The following ZNF664 variants were observed in gnomAD, a reference collection of about 807,000 sequenced individuals.
ZNF664 encodes zinc finger Organ of Corti 1.
ZNF664 carries 10 observed loss-of-function variants against 18.2 expected under a neutral mutation model. The ratio of observed to expected loss-of-function variants is 0.55; its 90% CI spans 0.34 to 0.93. The LOEUF (loss-of-function observed/expected upper bound fraction) is 0.93, where lower values mean the gene tolerates loss of function less well. Ranked by LOEUF, ZNF664 falls within the 40% of genes least tolerant of loss-of-function variation. The pLI, the probability that ZNF664 is intolerant of heterozygous loss-of-function variation, is 0.02. For synonymous variants in ZNF664, 119 were observed against 104.2 expected (o/e 1.14, Z -0.86); for missense variants, 193 against 319.0 (o/e 0.61, Z 3.01).
At chr12:123,999,893 C>T (rs891664556) in intron 3 of ZNF664, among the ~76,000 whole-genome samples, 1 of 152,154 alleles carries the variant, frequency 6.6e-6, no homozygotes, top group African/African-American at 2.4e-5. Flanking sequence ...AGCCACATAG[C>T]AAGTTGGGGT....
chr12:123,978,779 C>T (rs1956725703), intron 2 of ZNF664, among the ~76,000 whole-genome samples: 1 of 152,150 alleles, frequency 6.6e-6, no homozygotes, highest in Non-Finnish European at 1.5e-5. Context: ...TGAAATGCTG[C>T]AGTAATATAA....
chr12:124,007,444 G>T (rs1032621801), intron 3 of ZNF664, among the ~76,000 whole-genome samples: 1 of 152,214 alleles, frequency 6.6e-6, no homozygotes, highest in Non-Finnish European at 1.5e-5. Context: ...AGAGCAGAGC[G>T]CAGTGCTGCT....
At chr12:123,999,261 C>T (rs1956984836) in intron 3 of ZNF664, among the ~76,000 whole-genome samples, 1 of 152,160 alleles carries the variant, frequency 6.6e-6, no homozygotes, top group Non-Finnish European at 1.5e-5. Flanking sequence ...AGTTCTTTTT[C>T]ACTTTTATCT....
intron 3 of ZNF664, among the ~76,000 whole-genome samples, chr12:123,988,690 A>T (rs1424337232): frequency 1.3e-5 from 2 of 151,890 alleles, no homozygotes; most frequent in Non-Finnish European, 2.9e-5. Context: ...TGCAGACTTG[A>T]TTCTGAGTGT....
intron 2 of ZNF664, among the ~76,000 whole-genome samples, chr12:123,983,291 G>A (rs578162380): frequency 6.6e-6 from 1 of 152,352 alleles, no homozygotes; most frequent in African/African-American, 2.4e-5. Context: ...TTTTGAAGAT[G>A]TAGCAGAAGC....
chr12:123,986,534 C>T (rs1478386955), intron 2 of ZNF664, among the ~76,000 whole-genome samples: 2 of 152,154 alleles, frequency 1.3e-5, no homozygotes, highest in Non-Finnish European at 1.5e-5. Flanking sequence ...AGTCATTTTG[C>T]GGATCATAAC....
Position 124,012,706 on chromosome 12 carries a change from A to G in ZNF664, c.562A>G (p.Ile188Val). 1 of 1,614,096 alleles carries G rather than the reference A, an allele frequency of 6.2e-7. No homozygotes were observed. The highest frequency in any genetic ancestry group is 8.5e-7 in the Non-Finnish European group (1 of 1,179,978). Residue 188 changes from isoleucine to valine, a missense_variant, in exon 5 of 5, where the codon ATC becomes GTC. Ile to Val is a conservative substitution (Grantham distance 29). Transcript: ENST00000337815. ...KAFSQSSSLCIHQRVHTGEKP... is the reference protein window; with the variant it reads ...KAFSQSSSLCVHQRVHTGEKP... ...GTTCAGTCAGAGTTCGAGCCTCTGC[A>G]TCCACCAGAGAGTCCACACTGGAGA...
rs1594533346 is a variant in ZNF664 at position 123,973,926 on chromosome 12, G to A, written c.-851G>A. The A allele has an allele frequency of 8.1e-7, 1 of 1,231,950 alleles. No individual in the cohort carries two copies. The highest frequency in any genetic ancestry group is 1.0e-6 in the Non-Finnish European group (1 of 988,114). The allele number at this position is 1,231,950 out of a possible 1,614,324, so 76.3% of individuals were successfully genotyped here. The stretch of plus-strand genomic sequence containing the variant: ...GCAGAGGAGGCGAGCATCCCGCTCA[G>A]GTGATGAGGAACCCCTCGCGCACCC... On this transcript the variant is annotated 5_prime_UTR_variant, in exon 2 of 5. Coordinates refer to ENST00000337815, the MANE Select transcript of ZNF664 (RefSeq NM_152437.3).
At chr12:124,009,506 A>T (rs1266313654) in intron 3 of ZNF664, among the ~76,000 whole-genome samples, 1 of 151,664 alleles carries the variant, frequency 6.6e-6, no homozygotes, top group African/African-American at 2.4e-5. Context: ...TTTATATTTT[A>T]TATTTTATTT....
chr12:123,991,546 AAACT>A (rs1566200225), intron 3 of ZNF664, among the ~76,000 whole-genome samples: 1 of 152,236 alleles, frequency 6.6e-6, no homozygotes, highest in African/African-American at 2.4e-5. Context: ...GGAAATAAGG[AAACT>A]AACATTCATT....
chr12:124,010,750 A>T (rs966461290), intron 3 of ZNF664, among the ~76,000 whole-genome samples: 2 of 152,344 alleles, frequency 1.3e-5, no homozygotes, highest in South Asian at 4.2e-4. Context: ...CAATACGATA[A>T]TTACAAGTCC....
intron 2 of ZNF664, among the ~76,000 whole-genome samples, chr12:123,974,800 G>A (rs1956667194): frequency 6.6e-6 from 1 of 152,182 alleles, no homozygotes; most frequent in Non-Finnish European, 1.5e-5. Context: ...AACAACTGCT[G>A]CACCATGTTC....
intron 3 of ZNF664, chr12:123,997,830 TG>T (rs1470094500): frequency 6.6e-6 from 1 of 152,260 alleles, no homozygotes; most frequent in East Asian, 1.9e-4. Context: ...AGTGCCGGAA[TG>T]AGTATCAGCA....
Position 123,977,894 on chromosome 12 carries a change from G to C in ZNF664, c.-757+3874G>C, listed in dbSNP as rs370746552. Among the ~76,000 whole-genome samples the C allele has an allele frequency of 2.4e-4, 36 of 152,178 alleles. 1 individual carries two copies. Among genetic ancestry groups the C allele is most frequent in the East Asian group, 1.2e-3 (6 of 5,204 alleles). On this transcript the variant is annotated intron_variant, in intron 2 of 4. Coordinates refer to ENST00000337815, the MANE Select transcript of ZNF664 (RefSeq NM_152437.3). ...AATGCCCCCTGAGTCTAAAGAAAAT[G>C]TAAGTAAATATTAAACATCTGGAAA...
At chr12:123,973,426 G>T (rs1219560554) in intron 1 of ZNF664, 74 bp downstream of exon 1, 1 of 904,968 alleles carries the variant, frequency 1.1e-6, no homozygotes, top group African/African-American at 1.8e-5. Context: ...GCCAGGGAGC[G>T]GGCTGGGGGT....
chr12:124,008,161 A>G (rs936174494), intron 3 of ZNF664, among the ~76,000 whole-genome samples: 2 of 151,692 alleles, frequency 1.3e-5, no homozygotes, highest in African/African-American at 4.8e-5. Flanking sequence ...CCTTATTGCA[A>G]AAAAAAAGGG....
intron 2 of ZNF664, among the ~76,000 whole-genome samples, chr12:123,984,616 C>T (rs137991989): frequency 2.6e-5 from 4 of 151,098 alleles, no homozygotes; most frequent in Non-Finnish European, 4.4e-5. Context: ...GTGTGGGGGC[C>T]GGGGAGGAGG....
rs1047254796 is a variant in ZNF664, at chr12:124,013,807, T to C, written c.*877T>C. On this transcript the variant is annotated 3_prime_UTR_variant, in exon 5 of 5. Transcript: ENST00000337815. ...CTCCTTCCTAGCTAGGGAGACCTTA[T>C]GAGAAGTGGATGGTAGGAGGAGTCA... 3.0e-5 allele frequency: 5 copies of C among 167,132 alleles called. No individual in the cohort carries two copies. Among genetic ancestry groups the C allele is most frequent in the Non-Finnish European group, 5.9e-5 (4 of 68,120 alleles). 10.4% of individuals were successfully genotyped at this position (167,132 alleles called of 1,614,324 possible).
At chr12:123,987,294 C>T (rs1378837557) in intron 2 of ZNF664, among the ~76,000 whole-genome samples, 2 of 152,130 alleles carry the variant, frequency 1.3e-5, no homozygotes, top group African/African-American at 4.8e-5. Flanking sequence ...TATCATAACT[C>T]CCAGGGGAAA....
Sources: allele counts gnomAD v4.1 joint callset (sites outside exome capture counted in the v4.1 genomes callset), GRCh38; gene constraint gnomAD v4.1.1; transcripts MANE v1.5; gene names NCBI Gene and HGNC (gene_info 2026-07-23, HGNC 2026-07-21).